The following ATG10 variants were observed in gnomAD, a reference collection of about 807,000 sequenced individuals.
ATG10 encodes autophagy related 10.
ATG10 carries 30 observed loss-of-function variants against 32.1 expected under a neutral mutation model. That is an observed-to-expected ratio of 0.94 (90% CI 0.70 to 1.27). The LOEUF is 1.27. ATG10 is among the 50% of genes most tolerant of loss of function. The pLI is 0.00. For missense variants in ATG10, 233 were observed against 262.3 expected (o/e 0.89, Z 0.77); for synonymous variants, 87 against 91.5 (o/e 0.95, Z 0.28).
At chr5:82,046,654 T>C (rs1379362165) in intron 2 of ATG10, among the ~76,000 whole-genome samples, 1 of 152,202 alleles carries the variant, frequency 6.6e-6, no homozygotes, top group Non-Finnish European at 1.5e-5. Context: ...AGGATCCTTT[T>C]CTGAGGAGTT....
At chr5:82,163,076 T>C (rs933179206) in intron 3 of ATG10, among the ~76,000 whole-genome samples, 6 of 152,082 alleles carry the variant, frequency 3.9e-5, no homozygotes, top group African/African-American at 1.4e-4. Flanking sequence ...TTATAAATGC[T>C]AAGCAACCCA....
At chr5:82,186,883 A>G (rs1395166472) in intron 5 of ATG10, among the ~76,000 whole-genome samples, 2 of 152,134 alleles carry the variant, frequency 1.3e-5, no homozygotes, top group Non-Finnish European at 2.9e-5. Flanking sequence ...CGCCCAGCCA[A>G]TATTCGTTTT....
At chr5:82,124,833 A>T (rs910031830) in intron 3 of ATG10, among the ~76,000 whole-genome samples, 1 of 152,050 alleles carries the variant, frequency 6.6e-6, no homozygotes, top group Non-Finnish European at 1.5e-5. Flanking sequence ...GTCAAACAGT[A>T]TTTCTGGTTC....
intron 3 of ATG10, among the ~76,000 whole-genome samples, chr5:82,130,187 C>T (rs1182971337): frequency 2.0e-5 from 3 of 152,162 alleles, no homozygotes; most frequent in Non-Finnish European, 4.4e-5. Context: ...GGCAGATGCC[C>T]CTGTCCCCAT....
intron 3 of ATG10, among the ~76,000 whole-genome samples, chr5:82,143,514 G>A (rs1767230370): frequency 6.6e-6 from 1 of 152,234 alleles, no homozygotes; most frequent in Admixed American, 6.5e-5. Flanking sequence ...ACTGAATGGA[G>A]GTCACTCTAA....
At chr5:82,051,533 G>C (rs1040694087) in intron 2 of ATG10, among the ~76,000 whole-genome samples, 2 of 152,162 alleles carry the variant, frequency 1.3e-5, no homozygotes, top group African/African-American at 4.8e-5. Context: ...GTCTAAATGA[G>C]CCAGAGGCTA....
intron 5 of ATG10, among the ~76,000 whole-genome samples, chr5:82,206,122 T>C (rs1481184893): frequency 3.3e-5 from 5 of 152,132 alleles, no homozygotes; most frequent in South Asian, 2.1e-4. Context: ...TGAGTGTGGC[T>C]ATTGGAGTGC....
At chr5:82,102,945 C>T (rs975318402) in intron 3 of ATG10, among the ~76,000 whole-genome samples, 1 of 152,104 alleles carries the variant, frequency 6.6e-6, no homozygotes, top group Admixed American at 6.6e-5. Flanking sequence ...ATAATATGCA[C>T]TGTGTTGAAC....
chr5:81,993,383 CTTTTCTTTTTT>C lies in ATG10; in HGVS notation c.108+5709_108+5719del, dbSNP rs1561244283. ...TCCTTCTTTTCTTTTCTTTTCTTTTCTTTTCTTTTTTTTTCTTTTCTTTTCTTTTCTTTTCT... is the reference window on the plus strand; with the variant it reads ...TCCTTCTTTTCTTTTCTTTTCTTTTCTTTCTTTTCTTTTCTTTTCTTTTCT... On this transcript the variant is annotated intron_variant, in intron 2 of 7. Coordinates refer to ENST00000282185, the MANE Select transcript of ATG10 (RefSeq NM_031482.5). 1.3e-3 allele frequency among the ~76,000 whole-genome samples: 111 copies of C among 85,320 alleles called. 1 individual carries two copies. The highest frequency in any genetic ancestry group is 5.1e-3 in the African/African-American group (106 of 20,766). The allele number at this position is 85,320 out of a possible 152,430, so 56.0% of individuals were successfully genotyped here.
chr5:82,170,842 G>T (rs894480606), intron 4 of ATG10, among the ~76,000 whole-genome samples: 1 of 152,120 alleles, frequency 6.6e-6, no homozygotes, highest in African/African-American at 2.4e-5. Context: ...CAGCTACTTG[G>T]GAGGGTGGGG....
chr5:82,165,967 C>A (rs1187985620), intron 4 of ATG10, among the ~76,000 whole-genome samples: 1 of 152,160 alleles, frequency 6.6e-6, no homozygotes, highest in Non-Finnish European at 1.5e-5. Context: ...CAGAGAAGAG[C>A]TCCCAGAGAC....
At chr5:82,062,206 A>G (rs974860669) in intron 3 of ATG10, among the ~76,000 whole-genome samples, 21 of 152,048 alleles carry the variant, frequency 1.4e-4, no homozygotes, top group African/African-American at 4.8e-4. Context: ...AAAAATCAAC[A>G]ATGTTTAAAA....
At position 82,198,064 on chromosome 5, in the gene ATG10, A is replaced by T. The variant is rs184335386; in HGVS notation, c.453+19477A>T. 4.6e-3 allele frequency among the ~76,000 whole-genome samples: 703 copies of T among 152,300 alleles called. 3 individuals are homozygous for T. Among genetic ancestry groups the T allele is most frequent in the Non-Finnish European group, 7.4e-3 (505 of 68,024 alleles). ...GGAGGATTGGGCCTGGGGAAGGTTG[A>T]CTAAGGGGATTTAGCTGGTAATGCA... On this transcript the variant is annotated intron_variant, in intron 5 of 7. Coordinates refer to ENST00000282185, the MANE Select transcript of ATG10 (RefSeq NM_031482.5).
chr5:82,044,850 G>A (rs138024890), intron 2 of ATG10, among the ~76,000 whole-genome samples: 40 of 152,178 alleles, frequency 2.6e-4, no homozygotes, highest in Admixed American at 1.2e-3. Flanking sequence ...GTTTCTTCAC[G>A]TCCATGTGCA....
chr5:82,019,050 T>C (rs1402823524), intron 2 of ATG10, among the ~76,000 whole-genome samples: 3 of 152,174 alleles, frequency 2.0e-5, no homozygotes, highest in African/African-American at 7.2e-5. Flanking sequence ...AAAAACAAAG[T>C]TTTGTTAAAT....
At chr5:82,165,018 A>G (rs1353382389) in intron 4 of ATG10, among the ~76,000 whole-genome samples, 1 of 152,228 alleles carries the variant, frequency 6.6e-6, no homozygotes, top group Admixed American at 6.5e-5. Context: ...TCAGCCATCT[A>G]TACATCTCCA....
chr5:82,058,097 A>T (rs900937590), intron 2 of ATG10, among the ~76,000 whole-genome samples: 2 of 152,206 alleles, frequency 1.3e-5, no homozygotes, highest in Non-Finnish European at 2.9e-5. Context: ...TTGAAATGGA[A>T]GCTTTCTTGC....
At chr5:82,136,806 TTTCCAACTTGG>T (rs1766774109) in intron 3 of ATG10, among the ~76,000 whole-genome samples, 1 of 152,210 alleles carries the variant, frequency 6.6e-6, no homozygotes, top group African/African-American at 2.4e-5. Context: ...TGAAGAGTGT[TTTCCAACTTGG>T]TTCCATTCTT....
At chr5:82,199,869 C>T (rs753329180) in intron 5 of ATG10, among the ~76,000 whole-genome samples, 3 of 152,212 alleles carry the variant, frequency 2.0e-5, no homozygotes, top group African/African-American at 2.4e-5. Flanking sequence ...TTACGTTTTT[C>T]GGAATGTCAT....
Sources: allele counts gnomAD v4.1 joint callset (sites outside exome capture counted in the v4.1 genomes callset), GRCh38; gene constraint gnomAD v4.1.1; transcripts MANE v1.5; gene names NCBI Gene and HGNC (gene_info 2026-07-23, HGNC 2026-07-21).